MRC1: variants seen among roughly 807,000 people sequenced by gnomAD.
MRC1 encodes macrophage mannose receptor 1.
Under a neutral mutation model 102.9 loss-of-function variants are expected in MRC1, and 62 were observed. That is an observed-to-expected ratio of 0.60 (90% confidence interval 0.49 to 0.74). MRC1 has a LOEUF of 0.74. Ranked by LOEUF, MRC1 falls within the 30% of genes least tolerant of loss-of-function variation. The probability of loss-of-function intolerance (pLI) is 0.00; values close to 1 mark genes in which losing one functional copy is unlikely to be tolerated. For missense variants in MRC1, 1,237 were observed against 862.8 expected, an observed-to-expected ratio of 1.43 and a Z score of -5.43; for synonymous variants, 457 against 298.4, an observed-to-expected ratio of 1.53 and a Z score of -5.48.
At chr10:17,907,934 A>G (rs1260991354) in intron 28 of MRC1, among the ~76,000 whole-genome samples, 1 of 152,190 alleles carries the variant, frequency 6.6e-6, no homozygotes, top group Non-Finnish European at 1.5e-5. Flanking sequence ...GTGCATTTGT[A>G]ATGGGATATC....
intron 1 of MRC1, among the ~76,000 whole-genome samples, chr10:17,819,928 G>A (rs1838370885): frequency 6.6e-6 from 1 of 152,184 alleles, no homozygotes. Context: ...TTGGGCGACA[G>A]AGCAAGATCC....
At chr10:17,870,522 T>C in intron 13 of MRC1, 149 bp downstream of exon 13, 1 of 714,070 alleles carries the variant, frequency 1.4e-6, no homozygotes, top group East Asian at 2.5e-5. Flanking sequence ...CTGTTTGATC[T>C]AGTTTCGCTT....
intron 9 of MRC1, among the ~76,000 whole-genome samples, chr10:17,860,880 G>A (rs1833174788): frequency 6.6e-6 from 1 of 152,196 alleles, no homozygotes; most frequent in South Asian, 2.1e-4. Flanking sequence ...TTTGTCATAG[G>A]AGGAATGATG....
In MRC1 at chr10:17,863,572, G is replaced by A. The variant is rs1833216610; in HGVS notation, c.1673G>A (p.Arg558Lys). ...TTCCTGACTAGTTTCGTTGGCTTAA[G>A]GCCTGAAAAATATTTCTGGACAGGA... The part of the protein sequence containing the change: ...QAFLTSFVGL[R>K]PEKYFWTGLS... The change falls in exon 11 of 30, where the codon AGG (arginine) becomes AAG (lysine). Residue 558 changes from arginine to lysine, a missense_variant. Physicochemically the swap from Arg to Lys is conservative, Grantham distance 26 (BLOSUM62 2). Coordinates refer to ENST00000569591, the MANE Select transcript of MRC1 (RefSeq NM_002438.4). The A allele has an allele frequency of 1.7e-5, 13 of 780,678 alleles. No homozygotes were observed. Among genetic ancestry groups the A allele is most frequent in the Non-Finnish European group, 3.1e-5 (13 of 417,954 alleles). 48.4% of individuals were successfully genotyped at this position (780,678 alleles called of 1,614,324 possible). A position where few individuals can be genotyped will look rare whatever the true frequency, so the allele number is the denominator to read the frequency against.
chr10:17,811,208 G>C (rs1464756045), intron 1 of MRC1, among the ~76,000 whole-genome samples: 1 of 152,284 alleles, frequency 6.6e-6, no homozygotes, highest in Non-Finnish European at 1.5e-5. Flanking sequence ...TTCAAAATCT[G>C]GTGAGTATTG....
At chr10:17,847,386 G>C (rs1037928378) in intron 6 of MRC1, among the ~76,000 whole-genome samples, 1 of 152,142 alleles carries the variant, frequency 6.6e-6, no homozygotes, top group Admixed American at 6.6e-5. Context: ...CAAACACTCA[G>C]TACATTCTTA....
intron 1 of MRC1, among the ~76,000 whole-genome samples, chr10:17,814,677 C>CTTTTT (rs1179816829): frequency 2.3e-5 from 2 of 85,124 alleles, no homozygotes; most frequent in Non-Finnish European, 4.5e-5. Context: ...TTCCGTCCCT[C>CTTTTT]TTTTTTTTTT....
At chr10:17,893,603 A>C (rs1405644248) in intron 22 of MRC1, among the ~76,000 whole-genome samples, 1 of 151,530 alleles carries the variant, frequency 6.6e-6, no homozygotes, top group African/African-American at 2.4e-5. Flanking sequence ...GGCATTTCAG[A>C]AAAAAAAATC....
chr10:17,887,264 G>A (rs904844607), intron 22 of MRC1, among the ~76,000 whole-genome samples: 2 of 152,098 alleles, frequency 1.3e-5, no homozygotes, highest in African/African-American at 4.8e-5. Context: ...GGTGGTGGGC[G>A]CCTGTCATCC....
At chr10:17,887,758 G>A (rs1833620079) in intron 22 of MRC1, among the ~76,000 whole-genome samples, 1 of 152,026 alleles carries the variant, frequency 6.6e-6, no homozygotes, top group African/African-American at 2.4e-5. Flanking sequence ...AACAGATAAA[G>A]TTTATATTTC....
intron 9 of MRC1, among the ~76,000 whole-genome samples, chr10:17,856,666 G>A (rs1205777167): frequency 1.3e-5 from 2 of 152,262 alleles, no homozygotes; most frequent in South Asian, 2.1e-4. Context: ...CAGGCCACGG[G>A]AGAAGGTGTC....
At chr10:17,827,360 AAAAAAAATACCC>A (rs1554838714) in intron 2 of MRC1, among the ~76,000 whole-genome samples, 170 bp from the exon 3 acceptor site, 8 of 127,608 alleles carry the variant, frequency 6.3e-5, no homozygotes, top group African/African-American at 2.4e-4. Context: ...AAGGAGAAGG[AAAAAAAATACCC>A]AAAAAAAAAA....
intron 8 of MRC1, among the ~76,000 whole-genome samples, chr10:17,853,530 CAT>C (rs1290250351): frequency 1.3e-5 from 2 of 149,974 alleles, no homozygotes; most frequent in Non-Finnish European, 3.0e-5. Context: ...TATTATAAGC[CAT>C]ATATATGATT....
At chr10:17,870,155 A>G in intron 12 of MRC1, 91 bp from the exon 13 acceptor site, 3 of 713,068 alleles carry the variant, frequency 4.2e-6, no homozygotes. Flanking sequence ...GTTTTTCTGT[A>G]AATGAACTCT....
Position 17,866,720 on chromosome 10 carries a change from G to A in MRC1, c.1942G>A (p.Glu648Lys). ...PTTTPEPKCP[E>K]DWGASSRTSL... ...GACGACTCCCGAACCCAAATGTCCG[G>A]AGGATTGGGGCGCCAGCAGTAGAAC... Residue 648 changes from glutamate to lysine, a missense_variant, in exon 12 of 30, where the codon GAG (glutamate) becomes AAG (lysine). Glu to Lys is a moderately conservative substitution (Grantham distance 56). Transcript: ENST00000569591. 1 of 780,854 alleles carries A rather than the reference G, an allele frequency of 1.3e-6. No individual in the cohort carries two copies. Among genetic ancestry groups the A allele is most frequent in the Non-Finnish European group, 2.4e-6 (1 of 417,966 alleles). The allele number at this position is 780,854 out of a possible 1,614,324, so 48.4% of individuals were successfully genotyped here.
intron 1 of MRC1, among the ~76,000 whole-genome samples, chr10:17,815,153 C>G (rs1485214468): frequency 6.6e-6 from 1 of 152,126 alleles, no homozygotes; most frequent in African/African-American, 2.4e-5. Context: ...TTCATTCTCA[C>G]GACAATGAGG....
chr10:17,905,234 G>C (rs1168073276), intron 26 of MRC1, among the ~76,000 whole-genome samples: 1 of 152,178 alleles, frequency 6.6e-6, no homozygotes, highest in African/African-American at 2.4e-5. Flanking sequence ...AGCAGAACTG[G>C]AAAGAAGGCA....
chr10:17,880,578 C>G lies in MRC1; in HGVS notation c.2773C>G (p.His925Asp). The G allele has an allele frequency of 1.3e-6, 1 of 780,844 alleles. No homozygotes were observed. Among genetic ancestry groups the G allele is most frequent in the Non-Finnish European group, 2.4e-6 (1 of 417,952 alleles). 48.4% of individuals were successfully genotyped at this position (780,844 alleles called of 1,614,324 possible). A position where few individuals can be genotyped will look rare whatever the true frequency, so the allele number is the denominator to read the frequency against. Residue 925 changes from histidine (H) to aspartate (D), a missense_variant, in exon 20 of 30, where the codon CAT becomes GAT. His to Asp is a moderately conservative substitution (Grantham distance 81). Coordinates refer to ENST00000569591, the MANE Select transcript of MRC1 (RefSeq NM_002438.4). ...TCCAAACGCCTTCATTTGCCAGCGA[C>G]ATAACAGTAGTATCAATGCTACCAC... is the stretch of plus-strand genomic sequence containing the variant. The part of the protein sequence containing the change: ...GYPNAFICQR[H>D]NSSINATTVM...
intron 9 of MRC1, among the ~76,000 whole-genome samples, chr10:17,857,100 C>T (rs962579431): frequency 2.0e-5 from 3 of 151,982 alleles, no homozygotes; most frequent in African/African-American, 7.3e-5. Flanking sequence ...TAACACGTAC[C>T]AGAAAGCTGA....
Sources: gnomAD v4.1 joint callset for allele counts (sites outside exome capture counted in the v4.1 genomes callset) on GRCh38, gnomAD v4.1.1 for gene constraint, MANE v1.5 for transcripts, NCBI Gene and HGNC (gene_info 2026-07-23, HGNC 2026-07-21) for gene names.